APBA2: variants seen among roughly 807,000 people sequenced by gnomAD.
APBA2 encodes amyloid-beta A4 precursor protein-binding family A member 2.
Under a neutral mutation model 75.0 loss-of-function variants are expected in APBA2, and 30 were observed. The observed-to-expected ratio is 0.40, with a 90% CI of 0.30 to 0.54. The LOEUF (loss-of-function observed/expected upper bound fraction) is 0.54, where lower values mean the gene tolerates loss of function less well. Ranked by LOEUF, APBA2 falls within the 20% of genes least tolerant of loss-of-function variation. APBA2 has a pLI of 0.49. For missense variants in APBA2, 801 were observed against 1,016.1 expected (o/e 0.79, Z 2.88); for synonymous variants, 444 against 409.6 (o/e 1.08, Z -1.01).
At chr15:28,948,048 T>G (rs2035642484) in intron 2 of APBA2, among the ~76,000 whole-genome samples, 1 of 152,206 alleles carries the variant, frequency 6.6e-6, no homozygotes. Context: ...GCCATGGACT[T>G]CTGGGTCCTT....
At chr15:28,926,679 A>G (rs2034278064) in intron 2 of APBA2, among the ~76,000 whole-genome samples, 1 of 151,998 alleles carries the variant, frequency 6.6e-6, no homozygotes, top group African/African-American at 2.4e-5. Context: ...TATGAAGAAA[A>G]ATCTTTTAAC....
intron 6 of APBA2, among the ~76,000 whole-genome samples, chr15:29,085,712 A>C (rs1334356065): frequency 2.0e-5 from 3 of 152,078 alleles, no homozygotes; most frequent in Non-Finnish European, 4.4e-5. Flanking sequence ...CGTCAATGTG[A>C]ACCCAGTAGT....
At chr15:29,006,661 G>T (rs980241341) in intron 3 of APBA2, among the ~76,000 whole-genome samples, 1 of 152,108 alleles carries the variant, frequency 6.6e-6, no homozygotes, top group African/African-American at 2.4e-5. Flanking sequence ...TTGTGCAGGG[G>T]AACTCTCATT....
intron 2 of APBA2, among the ~76,000 whole-genome samples, chr15:28,969,914 G>A (rs1240027853): frequency 6.6e-6 from 1 of 152,254 alleles, no homozygotes; most frequent in East Asian, 1.9e-4. Flanking sequence ...CTGCTCACAG[G>A]CCAGGCCGGG....
chr15:28,969,128 T>C lies in APBA2; in HGVS notation c.-94-26625T>C, dbSNP rs12050582. On this transcript the variant is annotated intron_variant, in intron 2 of 14. Coordinates refer to ENST00000683413, the MANE Select transcript of APBA2 (RefSeq NM_001353788.2). ...TACAAAAACCTTACCTTTCATTTCT[T>C]TTTCTTTCTTTCTTTCTTTCTTTCT... Among the ~76,000 whole-genome samples the C allele has an allele frequency of 9.3e-3, 1,271 of 137,066 alleles. 40 individuals are homozygous for C. The highest frequency in any genetic ancestry group is 0.059 in the East Asian group (283 of 4,758). 89.9% of individuals were successfully genotyped at this position (137,066 alleles called of 152,430 possible).
chr15:28,978,946 A>T (rs1195719121), intron 2 of APBA2, among the ~76,000 whole-genome samples: 3 of 152,062 alleles, frequency 2.0e-5, no homozygotes, highest in African/African-American at 7.2e-5. Context: ...CCGGCAGGTC[A>T]GGGGACAAGA....
intron 3 of APBA2, among the ~76,000 whole-genome samples, chr15:29,022,224 T>C (rs894364571): frequency 6.6e-6 from 1 of 152,172 alleles, no homozygotes; most frequent in South Asian, 2.1e-4. Context: ...CATACTATTT[T>C]CCATAATAGT....
chr15:28,931,002 CG>C (rs2034534385), intron 2 of APBA2, among the ~76,000 whole-genome samples: 1 of 152,218 alleles, frequency 6.6e-6, no homozygotes, highest in Non-Finnish European at 1.5e-5. Flanking sequence ...TCAGGAAACT[CG>C]GGTGCCGCGT....
intron 4 of APBA2, among the ~76,000 whole-genome samples, chr15:29,071,876 G>T (rs967864185): frequency 4.6e-5 from 7 of 151,992 alleles, no homozygotes; most frequent in Admixed American, 3.9e-4. Context: ...AGACAACCTT[G>T]TGTTGCCCGT....
At chr15:28,919,788 A>G (rs2033873653) in intron 1 of APBA2, among the ~76,000 whole-genome samples, 1 of 152,106 alleles carries the variant, frequency 6.6e-6, no homozygotes, top group African/African-American at 2.4e-5. Flanking sequence ...GGTCATCCTG[A>G]TCCATATTGA....
intron 3 of APBA2, among the ~76,000 whole-genome samples, chr15:29,049,525 G>A (rs72716257): frequency 0.013 from 1,957 of 152,198 alleles, 45 homozygotes; most frequent in Non-Finnish European, 0.014. Context: ...AGGAAGGGTG[G>A]ACATTTTCCC....
chr15:28,936,474 G>A (rs2034878881), intron 2 of APBA2, among the ~76,000 whole-genome samples: 1 of 151,918 alleles, frequency 6.6e-6, no homozygotes. Flanking sequence ...AGGGGGTTTG[G>A]ATACACCGGT....
intron 8 of APBA2, 105 bp downstream of exon 8, chr15:29,094,418 T>C: frequency 1.8e-6 from 2 of 1,105,326 alleles, no homozygotes; most frequent in South Asian, 2.5e-5. Flanking sequence ...CTAAATAATG[T>C]TGCAAAGCAG....
At chr15:29,031,128 G>A (rs975225976) in intron 3 of APBA2, among the ~76,000 whole-genome samples, 26 of 151,548 alleles carry the variant, frequency 1.7e-4, no homozygotes, top group African/African-American at 6.3e-4. Flanking sequence ...TTTATTTTTA[G>A]CAGTCTTCGT....
At chr15:28,968,289 C>A (rs991266061) in intron 2 of APBA2, among the ~76,000 whole-genome samples, 1 of 152,156 alleles carries the variant, frequency 6.6e-6, no homozygotes, top group Non-Finnish European at 1.5e-5. Context: ...GCTTTTCATT[C>A]TTTTGGGTGT....
intron 2 of APBA2, among the ~76,000 whole-genome samples, chr15:28,953,957 C>A (rs748903272): frequency 6.6e-6 from 1 of 152,280 alleles, no homozygotes; most frequent in Admixed American, 6.5e-5. Flanking sequence ...GCTCACCCAG[C>A]GCTTTCCCTT....
At chr15:29,037,986 C>T (rs2040830885) in intron 3 of APBA2, among the ~76,000 whole-genome samples, 1 of 152,230 alleles carries the variant, frequency 6.6e-6, no homozygotes, top group African/African-American at 2.4e-5. Context: ...CAAATTTCCA[C>T]ATGAGTATTG....
In APBA2 at chr15:29,118,121, A is replaced by AATC; in HGVS notation, c.*989_*991dup. The AATC allele has an allele frequency of 6.5e-6, 1 of 152,730 alleles. No individual in the cohort carries two copies. Among genetic ancestry groups the AATC allele is most frequent in the South Asian group, 2.1e-4 (1 of 4,816 alleles). The allele number at this position is 152,730 out of a possible 1,614,324, so 9.5% of individuals were successfully genotyped here. ...AGCTCGGTTCATTAGCGATCCATGTAATCTGACGTCATCTTGTCTCGAAGT... is the reference window on the plus strand; with the variant it reads ...AGCTCGGTTCATTAGCGATCCATGTAATCATCTGACGTCATCTTGTCTCGAAGT... On this transcript the variant is annotated 3_prime_UTR_variant, in exon 15 of 15. Transcript: ENST00000683413.
intron 2 of APBA2, among the ~76,000 whole-genome samples, chr15:28,949,689 G>A (rs2336910): frequency 0.27 from 41,583 of 152,080 alleles, 10,330 homozygotes; most frequent in African/African-American, 0.64. Flanking sequence ...GACTGTTCTC[G>A]AACTCCTGGG....
Sources: allele counts gnomAD v4.1 joint callset (sites outside exome capture counted in the v4.1 genomes callset), GRCh38; gene constraint gnomAD v4.1.1; transcripts MANE v1.5; gene names NCBI Gene and HGNC (gene_info 2026-07-23, HGNC 2026-07-21).